NAV2: variants seen among roughly 807,000 people sequenced by gnomAD.
NAV2 encodes neuron navigator 2.
NAV2 carries 54 observed loss-of-function variants against 223.2 expected under a neutral mutation model. The observed-to-expected ratio is 0.24, with a 90% CI of 0.19 to 0.30. NAV2 has a LOEUF of 0.30. Among genes scored for constraint, NAV2 ranks in the 10% least tolerant of loss-of-function variants. The pLI, the probability that NAV2 is intolerant of heterozygous loss-of-function variation, is 1.00. For missense variants in NAV2, 2,806 were observed against 3,147.5 expected (o/e 0.89, Z 2.60); for synonymous variants, 1,279 against 1,239.3 (o/e 1.03, Z -0.67).
intron 1 of NAV2, among the ~76,000 whole-genome samples, chr11:19,439,776 T>C (rs1322321621): frequency 1.3e-5 from 2 of 152,236 alleles, no homozygotes; most frequent in Non-Finnish European, 2.9e-5. Context: ...TCCTCTTTTG[T>C]TTCAACCCTT....
intron 1 of NAV2, among the ~76,000 whole-genome samples, chr11:19,762,828 G>T (rs762746634): frequency 1.3e-4 from 20 of 151,848 alleles, no homozygotes; most frequent in Non-Finnish European, 2.5e-4. Flanking sequence ...TAGCCAGGAT[G>T]GTCTCAATTT....
At chr11:19,587,327 G>A (rs947008439) in intron 1 of NAV2, among the ~76,000 whole-genome samples, 61 of 152,280 alleles carry the variant, frequency 4.0e-4, no homozygotes, top group African/African-American at 1.4e-3. Flanking sequence ...TGCACATCCC[G>A]GGTGAGGCGA....
rs1345572306 is a variant in NAV2 at position 19,948,911 on chromosome 11, C to T, written c.2476C>T (p.Pro826Ser). 1 of 1,614,126 alleles carries T rather than the reference C, an allele frequency of 6.2e-7. No homozygotes were observed. The highest frequency in any genetic ancestry group is 1.1e-5 in the South Asian group (1 of 91,070). Residue 826 changes from proline to serine, a missense_variant, in exon 10 of 38, where the codon CCT becomes TCT. Around this residue, in one of 4 missense-constraint regions of NAV2, gnomAD observed 1,167 missense variants for 1,180.5 expected, o/e 0.99. Transcript: ENST00000349880. The stretch of plus-strand genomic sequence containing the variant: ...GTCAGGTCGCTATGTGTACTCCGCC[C>T]CTCTGAGAAGGCAGCTGGCCTCCCG... ...TESGRYVYSA[P>S]LRRQLASRGS...
intron 1 of NAV2, among the ~76,000 whole-genome samples, chr11:19,514,700 C>G (rs1391741421): frequency 6.6e-6 from 1 of 152,206 alleles, no homozygotes; most frequent in African/African-American, 2.4e-5. Flanking sequence ...GGAGAAACTT[C>G]CAACGCCAGG....
At chr11:19,913,990 T>G (rs967247870) in intron 6 of NAV2, among the ~76,000 whole-genome samples, 1 of 152,214 alleles carries the variant, frequency 6.6e-6, no homozygotes, top group Non-Finnish European at 1.5e-5. Flanking sequence ...CCCGAGCCAG[T>G]GTTATTGCTG....
At chr11:19,980,828 A>G (rs541404235) in intron 10 of NAV2, among the ~76,000 whole-genome samples, 1 of 152,342 alleles carries the variant, frequency 6.6e-6, no homozygotes, top group South Asian at 2.1e-4. Context: ...TAATTGGTGG[A>G]TAATAATTTA....
chr11:19,984,159 C>T lies in NAV2; in HGVS notation c.2680C>T (p.Arg894Cys), dbSNP rs778868432. Residue 894 changes from arginine (R) to cysteine (C), a missense_variant, in exon 11 of 38, where the codon CGT becomes TGT. Arg to Cys is a radical substitution (Grantham distance 180). Transcript: ENST00000349880. ...TGATGGTGGACTTGGCCTCTATACC[C>T]GTCGCCTGAACCGGCTCCCTGATGG... ...MTDGGLGLYT[R>C]RLNRLPDGMA... The T allele has an allele frequency of 7.4e-6, 12 of 1,614,146 alleles. No individual in the cohort carries two copies. The highest frequency in any genetic ancestry group is 1.1e-5 in the South Asian group (1 of 91,072).
chr11:20,049,064 C>T lies in NAV2; in HGVS notation c.4239C>T (p.Ser1413=), dbSNP rs1019138630. ...GCAGCCTCCACACCAGCTGTGAGTC[C>T]ATCGACATCTCCCTCAGCAGTGGAG... ...SVSSLHTSCE[S]IDISLSSGGV... is the part of the protein sequence containing the mutation. The change falls in exon 15 of 38, where the codon TCC becomes TCT. Residue 1413 remains serine (S), a synonymous_variant. Coordinates refer to ENST00000349880, the MANE Select transcript of NAV2 (RefSeq NM_145117.5). The T allele has an allele frequency of 3.1e-6, 5 of 1,613,968 alleles. No homozygotes were observed. The highest frequency in any genetic ancestry group is 3.4e-6 in the Non-Finnish European group (4 of 1,180,034).
intron 1 of NAV2, among the ~76,000 whole-genome samples, chr11:19,592,499 C>T (rs2046089461): frequency 6.6e-6 from 1 of 152,028 alleles, no homozygotes; most frequent in South Asian, 2.1e-4. Flanking sequence ...TGTCATTGCC[C>T]CCACTATGTT....
At chr11:19,940,097 C>A (rs2046286063) in intron 8 of NAV2, among the ~76,000 whole-genome samples, 1 of 151,930 alleles carries the variant, frequency 6.6e-6, no homozygotes, top group Non-Finnish European at 1.5e-5. Flanking sequence ...TTTGAATCTT[C>A]TTGTTTACTC....
intron 1 of NAV2, among the ~76,000 whole-genome samples, chr11:19,516,008 G>A (rs2043434952): frequency 6.6e-6 from 1 of 152,256 alleles, no homozygotes. Flanking sequence ...TGGTTTTAAA[G>A]TGTTACTGTG....
At chr11:19,533,049 G>A (rs1326087961) in intron 1 of NAV2, among the ~76,000 whole-genome samples, 3 of 152,162 alleles carry the variant, frequency 2.0e-5, no homozygotes, top group South Asian at 2.1e-4. Flanking sequence ...TTGTGAGAAC[G>A]TTTCCTGAGC....
chr11:19,667,509 G>A (rs183926402), intron 1 of NAV2, among the ~76,000 whole-genome samples: 2 of 152,298 alleles, frequency 1.3e-5, no homozygotes, highest in East Asian at 3.9e-4. Flanking sequence ...CAATTCAGTT[G>A]GTGTGTTGTG....
At chr11:19,936,609 C>G (rs2045928567) in intron 7 of NAV2, among the ~76,000 whole-genome samples, 1 of 152,138 alleles carries the variant, frequency 6.6e-6, no homozygotes, top group Non-Finnish European at 1.5e-5. Flanking sequence ...ATAAGAGCAC[C>G]AGGATACGAA....
chr11:19,737,264 C>A (rs2152440042), intron 1 of NAV2, among the ~76,000 whole-genome samples: 1 of 152,290 alleles, frequency 6.6e-6, no homozygotes, highest in East Asian at 1.9e-4. Context: ...AGCATGGAAA[C>A]CAGAAAATAT....
At chr11:19,800,393 C>T (rs2058171602) in intron 1 of NAV2, among the ~76,000 whole-genome samples, 1 of 152,140 alleles carries the variant, frequency 6.6e-6, no homozygotes, top group African/African-American at 2.4e-5. Context: ...CATGTATGGG[C>T]TTCATAGAAG....
intron 1 of NAV2, chr11:19,385,035 C>A (rs939094706): frequency 1.3e-5 from 2 of 152,158 alleles, no homozygotes; most frequent in Non-Finnish European, 2.9e-5. Flanking sequence ...CTTGAACAAG[C>A]ACTTCACAAG....
chr11:19,390,358 G>A (rs1380417444), intron 1 of NAV2, among the ~76,000 whole-genome samples: 3 of 152,070 alleles, frequency 2.0e-5, no homozygotes, highest in Non-Finnish European at 2.9e-5. Context: ...AATCCCAGTG[G>A]ATGACTCCCA....
At chr11:20,011,184 A>T (rs1035711985) in intron 11 of NAV2, among the ~76,000 whole-genome samples, 3 of 150,144 alleles carry the variant, frequency 2.0e-5, no homozygotes, top group Admixed American at 1.3e-4. Flanking sequence ...TAGCTTTTTT[A>T]AAAAAATGAG....
Sources: gnomAD v4.1 joint callset for allele counts (sites outside exome capture counted in the v4.1 genomes callset) on GRCh38, gnomAD v4.1.1 for gene constraint, gnomAD v4.1.1 regional missense constraint, MANE v1.5 for transcripts, NCBI Gene and HGNC (gene_info 2026-07-23, HGNC 2026-07-21) for gene names.